MKRN3: variants seen among roughly 807,000 people sequenced by gnomAD.
The protein encoded by MKRN3 is makorin ring finger protein 3.
For synonymous variants in MKRN3, 301 were observed against 250.2 expected (o/e 1.20, Z -1.91); for missense variants, 749 against 667.0 (o/e 1.12, Z -1.35).
rs1358422080 is a variant in MKRN3 at position 23,566,718 on chromosome 15, C to T, written c.936C>T (p.Gly312=). Residue 312 remains glycine, a synonymous_variant, in exon 1 of 1, where the codon GGC becomes GGT. Coordinates refer to ENST00000314520, the MANE Select transcript of MKRN3 (RefSeq NM_005664.4). ...AVQRGMDKVC[G]ICMEVVYEKA... ...AGCGTGGTATGGACAAGGTGTGTGG[C>T]ATCTGCATGGAGGTTGTCTATGAGA... 9 of 1,614,210 alleles carry T rather than the reference C, an allele frequency of 5.6e-6. No individual in the cohort carries two copies. Among genetic ancestry groups the T allele is most frequent in the Non-Finnish European group, 7.6e-6 (9 of 1,180,044 alleles).
In MKRN3 at chr15:23,567,941, ATTTG is replaced by A; in HGVS notation, c.*636_*639del. On this transcript the variant is annotated 3_prime_UTR_variant, in exon 1 of 1. Transcript: ENST00000314520. ...AAATATATATGTATAAGAGTTATGT[ATTTG>A]AAAAAAATATATAAAAGAATATACA... 1 of 727,960 alleles carries A rather than the reference ATTTG, an allele frequency of 1.4e-6. No individual in the cohort carries two copies. The highest frequency in any genetic ancestry group is 1.7e-6 in the Non-Finnish European group (1 of 585,826). 45.1% of individuals were successfully genotyped at this position (727,960 alleles called of 1,614,324 possible). A position where few individuals can be genotyped will look rare whatever the true frequency, so the allele number is the denominator to read the frequency against.
chr15:23,566,656 G>A lies in MKRN3; in HGVS notation c.874G>A (p.Ala292Thr). 2 of 1,614,240 alleles carry A rather than the reference G, an allele frequency of 1.2e-6. No homozygotes were observed. The highest frequency in any genetic ancestry group is 1.7e-6 in the Non-Finnish European group (2 of 1,180,054). Residue 292 changes from alanine to threonine, a missense_variant, in exon 1 of 1, where the codon GCA becomes ACA. Physicochemically the swap from Ala to Thr is moderately conservative, Grantham distance 58 (BLOSUM62 0). Coordinates refer to ENST00000314520, the MANE Select transcript of MKRN3 (RefSeq NM_005664.4). ...REEHMRACIEAHEKDMELSFA... is the reference protein window; with the variant it reads ...REEHMRACIETHEKDMELSFA... The stretch of plus-strand genomic sequence containing the variant: ...AGAACATATGAGGGCCTGCATTGAA[G>A]CACACGAGAAAGATATGGAACTCTC...
chr15:23,567,322 T>C lies in MKRN3; in HGVS notation c.*16T>C, dbSNP rs200894978. 1.2e-6 allele frequency: 2 copies of C among 1,611,878 alleles called. No individual in the cohort carries two copies. The highest frequency in any genetic ancestry group is 4.5e-5 in the East Asian group (2 of 44,866). ...GATTCTGTAGCATCGTGCTGTGGCA[T>C]GTGGTCTAGTCTGCTGAGGTTCTGT... On this transcript the variant is annotated 3_prime_UTR_variant, in exon 1 of 1. Coordinates refer to ENST00000314520, the MANE Select transcript of MKRN3 (RefSeq NM_005664.4).
rs1252830215 is a variant in MKRN3, at chr15:23,566,447, A to T, written c.665A>T (p.Glu222Val). The part of the protein sequence containing the change: ...YRGRWVASAP[E>V]APLQSSETER... ...GGCCGCTGGGTTGCATCTGCCCCCG[A>T]GGCTCCTCTACAGAGCTCAGAGACT... Residue 222 changes from glutamate to valine, a missense_variant, in exon 1 of 1, where the codon GAG becomes GTG. Glu to Val is a moderately radical substitution (Grantham distance 121). Coordinates refer to ENST00000314520, the MANE Select transcript of MKRN3 (RefSeq NM_005664.4). The T allele has an allele frequency of 6.2e-7, 1 of 1,614,100 alleles. No homozygotes were observed. Among genetic ancestry groups the T allele is most frequent in the Admixed American group, 1.7e-5 (1 of 60,028 alleles).
rs966824104 is a variant in MKRN3 at position 23,567,989 on chromosome 15, G to A, written c.*683G>A. ...ATATACATCACAATATAATATTTAT[G>A]TTTATGTAATAAAGTAAATACAGAG... On this transcript the variant is annotated 3_prime_UTR_variant, in exon 1 of 1. Transcript: ENST00000314520. 11 of 720,534 alleles carry A rather than the reference G, an allele frequency of 1.5e-5. No homozygotes were observed. In the African/African-American group the frequency reaches 2.1e-4, roughly 14 times the overall value. The allele number at this position is 720,534 out of a possible 1,614,324, so 44.6% of individuals were successfully genotyped here.
Sources: allele counts gnomAD v4.1 joint callset, GRCh38; gene constraint gnomAD v4.1.1; transcripts MANE v1.5; gene names NCBI Gene and HGNC (gene_info 2026-07-23, HGNC 2026-07-21).